The following CCDC30 variants were observed in gnomAD, a reference collection of about 807,000 sequenced individuals.
The protein encoded by CCDC30 is coiled-coil domain-containing protein 30.
CCDC30 carries 70 observed loss-of-function variants against 100.2 expected under a neutral mutation model. The ratio of observed to expected loss-of-function variants is 0.70; its 90% CI spans 0.58 to 0.85. The LOEUF is 0.85. CCDC30 is among the 40% of genes least tolerant of loss of function. The pLI, the probability that CCDC30 is intolerant of heterozygous loss-of-function variation, is 0.00. For missense variants in CCDC30, 652 were observed against 771.2 expected, an observed-to-expected ratio of 0.85 and a Z score of 1.83; for synonymous variants, 233 against 269.5, an observed-to-expected ratio of 0.86 and a Z score of 1.33.
intron 11 of CCDC30, among the ~76,000 whole-genome samples, chr1:42,627,881 A>C (rs1207167468): frequency 6.6e-6 from 1 of 152,202 alleles, no homozygotes; most frequent in African/African-American, 2.4e-5. Flanking sequence ...GGCAGTGTGG[A>C]AGGGAAACAT....
chr1:42,529,687 T>C (rs1050452587), intron 6 of CCDC30: 43 of 152,294 alleles, frequency 2.8e-4, no homozygotes, highest in African/African-American at 1.0e-3. Flanking sequence ...ATTTTCAGCA[T>C]AGGAATTAAG....
At chr1:42,642,355 G>A in intron 12 of CCDC30, 118 bp from the exon 17 acceptor site, 1 of 808,820 alleles carries the variant, frequency 1.2e-6, no homozygotes, top group South Asian at 3.4e-5. Flanking sequence ...CAGACTAGGG[G>A]ACAGGAAAAA....
chr1:42,635,960 A>G (rs537219883), intron 11 of CCDC30, among the ~76,000 whole-genome samples: 1 of 152,190 alleles, frequency 6.6e-6, no homozygotes, highest in East Asian at 1.9e-4. Context: ...ATTATCTGTC[A>G]TTTTACTCTA....
intron 1 of CCDC30, among the ~76,000 whole-genome samples, chr1:42,478,032 G>A (rs1034878574): frequency 6.6e-5 from 10 of 152,158 alleles, no homozygotes; most frequent in African/African-American, 2.4e-4. Context: ...CTAAACTAAG[G>A]CATTTGGATT....
chr1:42,466,645 G>A (rs1056986157), intron 1 of CCDC30, among the ~76,000 whole-genome samples: 4 of 151,106 alleles, frequency 2.6e-5, no homozygotes, highest in African/African-American at 4.9e-5. Flanking sequence ...TCTGCCTCCC[G>A]GGTTCCAGCG....
intron 6 of CCDC30, among the ~76,000 whole-genome samples, chr1:42,552,934 C>T (rs985322291): frequency 6.6e-6 from 1 of 151,988 alleles, no homozygotes; most frequent in African/African-American, 2.4e-5. Context: ...CTTTATTATT[C>T]GGCAGGGATA....
At chr1:42,576,084 G>A (rs1645830772) in intron 7 of CCDC30, among the ~76,000 whole-genome samples, 1 of 152,198 alleles carries the variant, frequency 6.6e-6, no homozygotes, top group Non-Finnish European at 1.5e-5. Context: ...TCTGGAGTGA[G>A]GGACCACTGA....
chr1:42,597,441 G>C (rs1238312684), intron 10 of CCDC30, among the ~76,000 whole-genome samples: 1 of 152,156 alleles, frequency 6.6e-6, no homozygotes, highest in Non-Finnish European at 1.5e-5. Flanking sequence ...CTTACTCAGA[G>C]AGGAACAAAG....
chr1:42,642,067 T>C (rs908777933), intron 12 of CCDC30, among the ~76,000 whole-genome samples: 3 of 151,572 alleles, frequency 2.0e-5, no homozygotes, highest in Non-Finnish European at 4.4e-5. Flanking sequence ...CTACTAAAAA[T>C]ACAAAAAACT....
intron 14 of CCDC30, 125 bp from the exon 19 acceptor site, chr1:42,646,010 G>C: frequency 7.8e-7 from 1 of 1,275,896 alleles, no homozygotes; most frequent in Non-Finnish European, 1.0e-6. Context: ...ATGAAGATAA[G>C]AATGGTCACA....
chr1:42,620,444 A>G (rs1041822010), intron 11 of CCDC30, among the ~76,000 whole-genome samples: 8 of 152,194 alleles, frequency 5.3e-5, no homozygotes, highest in South Asian at 4.1e-4. Flanking sequence ...CTTGAACTGT[A>G]CAATATTTGA....
chr1:42,626,832 C>T (rs1427781477), intron 11 of CCDC30, among the ~76,000 whole-genome samples: 5 of 152,154 alleles, frequency 3.3e-5, no homozygotes, highest in Non-Finnish European at 7.3e-5. Flanking sequence ...TGAGGCCTCC[C>T]CAGCCATGTG....
At chr1:42,492,550 G>GA (rs1644160668) in intron 4 of CCDC30, 1 of 152,240 alleles carries the variant, frequency 6.6e-6, no homozygotes, top group Non-Finnish European at 1.5e-5. Flanking sequence ...AAATCTCTGT[G>GA]AAAAAAATGA....
At chr1:42,551,168 A>C (rs1157093846) in intron 6 of CCDC30, among the ~76,000 whole-genome samples, 1 of 152,198 alleles carries the variant, frequency 6.6e-6, no homozygotes, top group Non-Finnish European at 1.5e-5. Context: ...TGAGACTCTG[A>C]GTGATTGTGC....
At chr1:42,531,133 TAGTGAGTG>T (rs35104848) in intron 6 of CCDC30, among the ~76,000 whole-genome samples, 3 of 151,344 alleles carry the variant, frequency 2.0e-5, no homozygotes, top group Non-Finnish European at 3.0e-5. Context: ...GTTTTAGTAA[TAGTGAGTG>T]AGTGAGTTCT....
At chr1:42,563,500 G>A (rs1261111519) in intron 6 of CCDC30, among the ~76,000 whole-genome samples, 3 of 152,048 alleles carry the variant, frequency 2.0e-5, no homozygotes, top group African/African-American at 7.2e-5. Context: ...GGGTCAATAC[G>A]TGCAGCAAGC....
rs199704527 is a variant in CCDC30 at position 42,650,484 on chromosome 1, T to TAA, written c.1855-2886_1855-2885dup. On this transcript the variant is annotated intron_variant, in intron 15 of 16. Coordinates refer to ENST00000668663, the Ensembl canonical transcript of CCDC30. ...CTGGGTAACAGAACAAGACCCTGTC[T>TAA]AAAAAAATATATATGTGTGTGTGTG... Among the ~76,000 whole-genome samples, 404 of 136,306 alleles carry TAA rather than the reference T, an allele frequency of 3.0e-3. 1 individual carries two copies. The highest frequency in any genetic ancestry group is 4.2e-3 in the Non-Finnish European group (270 of 64,044). The allele number at this position is 136,306 out of a possible 152,430, so 89.4% of individuals were successfully genotyped here.
intron 6 of CCDC30, among the ~76,000 whole-genome samples, chr1:42,550,476 C>T (rs1366548813): frequency 1.3e-5 from 2 of 152,152 alleles, no homozygotes; most frequent in African/African-American, 4.8e-5. Flanking sequence ...TGGCCTCTAC[C>T]TACCTCCTCC....
chr1:42,541,971 T>C (rs1645020383), intron 6 of CCDC30, among the ~76,000 whole-genome samples: 1 of 152,210 alleles, frequency 6.6e-6, no homozygotes, highest in Non-Finnish European at 1.5e-5. Flanking sequence ...CCCAGGGATA[T>C]TAGACTGCTG....
Sources: allele counts gnomAD v4.1 joint callset (sites outside exome capture counted in the v4.1 genomes callset), GRCh38; gene constraint gnomAD v4.1.1; transcripts MANE v1.5; gene names NCBI Gene and HGNC (gene_info 2026-07-23, HGNC 2026-07-21).